Variants in SOX5 observed in about 807,000 individuals in gnomAD.
The protein encoded by SOX5 is SRY-box transcription factor 5.
Under a neutral mutation model 92.0 loss-of-function variants are expected in SOX5, and 9 were observed. That is an observed-to-expected ratio of 0.10 (90% CI 0.06 to 0.17). SOX5 has a LOEUF of 0.17. Ranked by LOEUF, SOX5 falls within the 10% of genes least tolerant of loss-of-function variation. The pLI is 1.00. For missense variants in SOX5, 642 were observed against 944.5 expected (o/e 0.68, Z 4.20); for synonymous variants, 344 against 336.3 (o/e 1.02, Z -0.25).
intron 4 of SOX5, among the ~76,000 whole-genome samples, chr12:24,074,308 C>T (rs753482917): frequency 1.3e-5 from 2 of 151,582 alleles, no homozygotes; most frequent in East Asian, 1.9e-4. Context: ...TTCAGCAGAT[C>T]GAATCAAACC....
intron 8 of SOX5, among the ~76,000 whole-genome samples, chr12:23,605,979 G>C (rs2075207822): frequency 6.6e-6 from 1 of 151,858 alleles, no homozygotes; most frequent in South Asian, 2.1e-4. Flanking sequence ...CAGCCAACTG[G>C]AAAGAATAAA....
At chr12:23,693,150 T>C (rs1567019555) in intron 6 of SOX5, among the ~76,000 whole-genome samples, 1 of 152,146 alleles carries the variant, frequency 6.6e-6, no homozygotes, top group Non-Finnish European at 1.5e-5. Flanking sequence ...TGAGACAGAG[T>C]CTCACTGTGT....
chr12:24,070,323 G>T (rs557309291), intron 4 of SOX5, among the ~76,000 whole-genome samples: 1 of 151,980 alleles, frequency 6.6e-6, no homozygotes, highest in Non-Finnish European at 1.5e-5. Context: ...AATACAGAAA[G>T]AAAGAGGCAA....
chr12:23,994,761 C>A (rs931563575), intron 4 of SOX5, among the ~76,000 whole-genome samples: 1 of 152,098 alleles, frequency 6.6e-6, no homozygotes, highest in Admixed American at 6.6e-5. Context: ...CCATTATGGT[C>A]ACTAGATGAG....
chr12:23,907,358 G>T (rs1302054451), intron 1 of SOX5, among the ~76,000 whole-genome samples: 1 of 152,054 alleles, frequency 6.6e-6, no homozygotes, highest in Non-Finnish European at 1.5e-5. Flanking sequence ...TCTATTAAGG[G>T]TTGGACCACA....
chr12:24,447,207 A>G (rs1044116732), intron 1 of SOX5, among the ~76,000 whole-genome samples: 3 of 152,196 alleles, frequency 2.0e-5, no homozygotes, highest in African/African-American at 7.2e-5. Context: ...ACTTTACACT[A>G]GAGAAACCTT....
rs947612054 is a variant in SOX5 at position 24,088,188 on chromosome 12, A to G, written c.-2+125155T>C. Among the ~76,000 whole-genome samples the G allele has an allele frequency of 1.1e-4, 16 of 152,130 alleles. No homozygotes were observed. In the East Asian group the frequency reaches 1.7e-3, roughly 16 times the overall value. On this transcript the variant is annotated intron_variant, in intron 4 of 4. Transcript: ENST00000446891. ...AACACAGGGTTACTGAATCAAAAAC[A>G]TATTGATTGATATTACATATTTTTC...
intron 1 of SOX5, among the ~76,000 whole-genome samples, chr12:24,446,188 C>A (rs1941445929): frequency 6.6e-6 from 1 of 152,086 alleles, no homozygotes; most frequent in Non-Finnish European, 1.5e-5. Flanking sequence ...AGGCAGATAA[C>A]AAATGACTAA....
chr12:24,509,539 G>A (rs1325540849), intron 1 of SOX5, among the ~76,000 whole-genome samples: 2 of 152,114 alleles, frequency 1.3e-5, no homozygotes, highest in Non-Finnish European at 2.9e-5. Context: ...TACTAATAAA[G>A]GAGTTTCTAA....
chr12:24,381,563 C>G (rs1957826886), intron 1 of SOX5, among the ~76,000 whole-genome samples: 1 of 152,106 alleles, frequency 6.6e-6, no homozygotes, highest in Non-Finnish European at 1.5e-5. Context: ...GCATGTTTTT[C>G]TAAAAAAATC....
intron 4 of SOX5, among the ~76,000 whole-genome samples, chr12:24,012,370 C>T (rs898201803): frequency 2.0e-5 from 3 of 152,036 alleles, no homozygotes; most frequent in African/African-American, 7.2e-5. Context: ...GGAAAGAGTC[C>T]AGAAGACATT....
chr12:23,825,740 T>G (rs1182772809), intron 3 of SOX5, among the ~76,000 whole-genome samples: 1 of 152,174 alleles, frequency 6.6e-6, no homozygotes, highest in Non-Finnish European at 1.5e-5. Context: ...TTTAGAAGGT[T>G]TCATATTGTT....
Position 24,339,455 on chromosome 12 carries a change from A to C in SOX5, c.-174+29108T>G, listed in dbSNP as rs562743804. Among the ~76,000 whole-genome samples the C allele has an allele frequency of 2.6e-5, 4 of 152,282 alleles. No individual in the cohort carries two copies. In the South Asian group the frequency reaches 8.3e-4, roughly 32 times the overall value. On this transcript the variant is annotated intron_variant, in intron 2 of 4. Coordinates refer to the SOX5 transcript ENST00000446891. ...ATGGTTACAGTAGAAAAAGCAAAAA[A>C]TATAAATGGCATGATATGAGGTCAC...
At chr12:23,856,936 TCA>T (rs1210244921) in intron 2 of SOX5, among the ~76,000 whole-genome samples, 2 of 152,120 alleles carry the variant, frequency 1.3e-5, no homozygotes, top group African/African-American at 4.8e-5. Context: ...GTCTGATTAT[TCA>T]CACACACACT....
intron 2 of SOX5, among the ~76,000 whole-genome samples, chr12:23,859,079 C>T (rs2096725675): frequency 1.3e-5 from 2 of 152,126 alleles, no homozygotes; most frequent in South Asian, 4.1e-4. Context: ...AATTGTAAAA[C>T]ATGTGTGTTT....
chr12:23,690,935 T>C (rs1243442602), intron 6 of SOX5, among the ~76,000 whole-genome samples: 1 of 152,216 alleles, frequency 6.6e-6, no homozygotes, highest in East Asian at 1.9e-4. Flanking sequence ...GAATCCTGAT[T>C]CTTGTCTTCC....
intron 2 of SOX5, among the ~76,000 whole-genome samples, chr12:24,290,837 A>G (rs780888384): frequency 1.3e-5 from 2 of 152,346 alleles, no homozygotes; most frequent in East Asian, 1.9e-4. Flanking sequence ...CTTCCCAGAC[A>G]AAAGGATAAT....
At chr12:23,697,782 C>A (rs2090086102) in intron 6 of SOX5, among the ~76,000 whole-genome samples, 1 of 152,156 alleles carries the variant, frequency 6.6e-6, no homozygotes, top group South Asian at 2.1e-4. Flanking sequence ...AACTCCTGAC[C>A]TCAAGAGATC....
intron 4 of SOX5, among the ~76,000 whole-genome samples, chr12:24,123,620 T>C (rs1948830878): frequency 6.6e-6 from 1 of 152,216 alleles, no homozygotes; most frequent in Non-Finnish European, 1.5e-5. Context: ...TGCAGTAAGT[T>C]ATAGAGCATA....
Sources: allele counts gnomAD v4.1 joint callset (sites outside exome capture counted in the v4.1 genomes callset), GRCh38; gene constraint gnomAD v4.1.1; transcripts MANE v1.5; gene names NCBI Gene and HGNC (gene_info 2026-07-23, HGNC 2026-07-21).